The following IRS1 variants were observed in gnomAD, a reference collection of about 807,000 sequenced individuals.
IRS1 encodes the protein insulin receptor substrate 1.
A neutral mutation model predicts 65.6 loss-of-function variants in IRS1; 34 were observed. The observed-to-expected ratio is 0.52, with a 90% confidence interval of 0.39 to 0.69. The LOEUF (loss-of-function observed/expected upper bound fraction) is 0.69, where lower values mean the gene tolerates loss of function less well. IRS1 is among the 30% of genes least tolerant of loss of function. IRS1 has a pLI of 0.00. For missense variants in IRS1, 1,641 were observed against 1,720.2 expected (o/e 0.95, Z 0.81); for synonymous variants, 699 against 683.5 (o/e 1.02, Z -0.35).
intron 1 of IRS1, among the ~76,000 whole-genome samples, chr2:226,744,729 C>T (rs1193034163): frequency 6.6e-6 from 1 of 152,140 alleles, no homozygotes; most frequent in East Asian, 1.9e-4. Context: ...ATCCCCTCAC[C>T]CCCAGCCATG....
At position 226,734,222 on chromosome 2, in the gene IRS1, A is replaced by T. The variant is rs1339854898; in HGVS notation, c.*2050T>A. ...AAGTCTTTTTTTACAAGAGTAAAAA[A>T]CAACTTTCATATCAGATTTTCAAAA... On this transcript the variant is annotated 3_prime_UTR_variant, in exon 2 of 2. Transcript: ENST00000305123. 3 of 152,226 alleles carry T rather than the reference A, an allele frequency of 2.0e-5. No individual in the cohort carries two copies. Among genetic ancestry groups the T allele is most frequent in the Non-Finnish European group, 2.9e-5 (2 of 68,048 alleles). The allele number at this position is 152,226 out of a possible 1,614,324, so 9.4% of individuals were successfully genotyped here.
At chr2:226,763,612 A>T (rs1446374987) in intron 1 of IRS1, among the ~76,000 whole-genome samples, 2 of 152,224 alleles carry the variant, frequency 1.3e-5, no homozygotes, top group African/African-American at 4.8e-5. Flanking sequence ...ATTCCAAAAT[A>T]TTAGGTCATG....
At chr2:226,790,309 A>C (rs1939565627) in intron 1 of IRS1, among the ~76,000 whole-genome samples, 1 of 151,986 alleles carries the variant, frequency 6.6e-6, no homozygotes, top group Non-Finnish European at 1.5e-5. Flanking sequence ...GATAGCACAA[A>C]GCTATTTTCC....
intron 1 of IRS1, among the ~76,000 whole-genome samples, chr2:226,789,845 C>T (rs890875430): frequency 6.6e-6 from 1 of 152,150 alleles, no homozygotes; most frequent in Non-Finnish European, 1.5e-5. Context: ...AAAACTTAGG[C>T]TGGTCGATCA....
chr2:226,797,715 C>T lies in IRS1; in HGVS notation c.1024G>A (p.Val342Met), dbSNP rs1199515566. The change falls in exon 1 of 2, where the codon GTG (valine) becomes ATG (methionine). Residue 342 changes from valine to methionine, a missense_variant. This residue lies in a region of IRS1 where 1,324 missense variants were observed against 1,361.0 expected (regional missense o/e 0.97). Transcript: ENST00000305123. This position sits in a 1 kb window ranked among gnomAD's most constrained non-coding sequence, Gnocchi z 8.1. ...GEGTMSRPAS[V>M]DGSPVSPSTN... ...CTGGGACTCACAGGGCTGCCGTCCA[C>T]CGAGGCTGGGCGGGACATGGTGCCT... is the stretch of plus-strand genomic sequence containing the variant. The T allele has an allele frequency of 6.3e-7, 1 of 1,597,992 alleles. No homozygotes were observed. Among genetic ancestry groups the T allele is most frequent in the South Asian group, 1.1e-5 (1 of 90,768 alleles).
chr2:226,738,204 G>A (rs941829323), intron 1 of IRS1, among the ~76,000 whole-genome samples: 6 of 152,184 alleles, frequency 3.9e-5, no homozygotes, highest in African/African-American at 9.7e-5. Flanking sequence ...CAAAATACAC[G>A]CAACGTAAGT....
chr2:226,774,910 G>A (rs1234895664), intron 1 of IRS1, among the ~76,000 whole-genome samples: 1 of 152,174 alleles, frequency 6.6e-6, no homozygotes, highest in Non-Finnish European at 1.5e-5. Context: ...ACAATAAACA[G>A]ATCAGAGATT....
At chr2:226,779,342 G>A (rs1326497062) in intron 1 of IRS1, among the ~76,000 whole-genome samples, 1 of 152,204 alleles carries the variant, frequency 6.6e-6, no homozygotes, top group Non-Finnish European at 1.5e-5. Flanking sequence ...TAAATGAGGT[G>A]TTGGTATATT....
rs1559159805 is a variant in IRS1, at chr2:226,797,635, C to A, written c.1104G>T (p.Pro368=). 2.5e-6 allele frequency: 4 copies of A among 1,588,992 alleles called. No homozygotes were observed. The South Asian group carries it at 4.5e-5, about 18-fold the overall frequency. Residue 368 remains proline, a synonymous_variant, in exon 1 of 2, where the codon CCG becomes CCT. Coordinates refer to ENST00000305123, the MANE Select transcript of IRS1 (RefSeq NM_005544.3). This position sits in a 1 kb window ranked among gnomAD's most constrained non-coding sequence, Gnocchi z 8.1. ...RHRGSARLHP[P]LNHSRSIPMP... ...TGGGGATGGAGCGGCTGTGGTTGAG[C>A]GGGGGGTGCAGCCGGGCGCTGCCCC...
chr2:226,784,451 T>G, intron 1 of IRS1, among the ~76,000 whole-genome samples: 1 of 152,154 alleles, frequency 6.6e-6, no homozygotes, highest in Non-Finnish European at 1.5e-5. Context: ...AGATAGAGTT[T>G]CGCTCTTGTC....
intron 1 of IRS1, among the ~76,000 whole-genome samples, chr2:226,764,575 C>T (rs1938991327): frequency 6.6e-6 from 1 of 152,042 alleles, no homozygotes; most frequent in South Asian, 2.1e-4. Flanking sequence ...TACAGAGAGA[C>T]TTTTAAAATT....
chr2:226,773,470 T>C (rs149514529), intron 1 of IRS1, among the ~76,000 whole-genome samples: 1 of 152,162 alleles, frequency 6.6e-6, no homozygotes, highest in African/African-American at 2.4e-5. Context: ...CTGTAATCTG[T>C]ATGATCTAGC....
chr2:226,739,752 A>G (rs1382887590), intron 1 of IRS1, among the ~76,000 whole-genome samples: 1 of 152,254 alleles, frequency 6.6e-6, no homozygotes, highest in Non-Finnish European at 1.5e-5. Flanking sequence ...CTAGCTCCAC[A>G]TACTCACAAT....
Position 226,797,775 on chromosome 2 carries a change from C to G in IRS1, c.964G>C (p.Gly322Arg). Residue 322 changes from glycine to arginine, a missense_variant, in exon 1 of 2, where the codon GGC (glycine) becomes CGC (arginine). Gly to Arg is a moderately radical substitution (Grantham distance 125). Transcript: ENST00000305123. The surrounding 1 kb of genome is among the most constrained non-coding windows in gnomAD (Gnocchi z 8.1). The part of the protein sequence containing the change: ...SPASMVGGKP[G>R]SFRVRASSDG... ...CTGGAGGCGCGGACACGGAAGGAGC[C>G]TGGCTTCCCGCCCACCATGCTGGCC... 6.3e-7 allele frequency: 1 copy of G among 1,595,394 alleles called. No individual in the cohort carries two copies. Among genetic ancestry groups the G allele is most frequent in the Non-Finnish European group, 8.5e-7 (1 of 1,173,992 alleles).
Position 226,733,019 on chromosome 2 carries a change from C to G in IRS1, c.*3253G>C, listed in dbSNP as rs1231424071. The stretch of plus-strand genomic sequence containing the variant: ...GCAGTTGGAAGACTGCACATGGATA[C>G]TATTTGTCATGGCTCTCGTTGTCAG... On this transcript the variant is annotated 3_prime_UTR_variant, in exon 2 of 2. Transcript: ENST00000305123. 1 of 152,162 alleles carries G rather than the reference C, an allele frequency of 6.6e-6. No individual in the cohort carries two copies. The highest frequency in any genetic ancestry group is 1.5e-5 in the Non-Finnish European group (1 of 68,030). 9.4% of individuals were successfully genotyped at this position (152,162 alleles called of 1,614,324 possible).
At chr2:226,764,199 T>C (rs1178361839) in intron 1 of IRS1, among the ~76,000 whole-genome samples, 5 of 151,952 alleles carry the variant, frequency 3.3e-5, no homozygotes, top group Admixed American at 3.3e-4. Flanking sequence ...TATGTTCCTT[T>C]AGAAACATCG....
chr2:226,776,489 A>C (rs1160614658), intron 1 of IRS1, among the ~76,000 whole-genome samples: 1 of 152,182 alleles, frequency 6.6e-6, no homozygotes, highest in Middle Eastern at 3.2e-3. Context: ...GAAAAACCTG[A>C]CAAACACTCC....
intron 1 of IRS1, among the ~76,000 whole-genome samples, chr2:226,769,405 GC>G (rs1559152819): frequency 6.6e-6 from 1 of 152,144 alleles, no homozygotes; most frequent in Non-Finnish European, 1.5e-5. Context: ...CTGCAAGACT[GC>G]CCGGAGTGTC....
In IRS1 at chr2:226,795,371, G is replaced by A; in HGVS notation, c.3368C>T (p.Ala1123Val). The change falls in exon 1 of 2, where the codon GCA becomes GTA. Residue 1123 changes from alanine to valine, a missense_variant. Around this residue, in one of 3 missense-constraint regions of IRS1, gnomAD observed 1,324 missense variants for 1,361.0 expected, o/e 0.97. Coordinates refer to ENST00000305123, the MANE Select transcript of IRS1 (RefSeq NM_005544.3). ...GCTACCGCCACCGCCCCCTACTGCT[G>A]CCCCCGCTCCAAAGGGCACTGTGTT... ...VGNTVPFGAG[A>V]AVGGGGGSSS... 1.2e-6 allele frequency: 2 copies of A among 1,613,080 alleles called. No homozygotes were observed. Among genetic ancestry groups the A allele is most frequent in the Non-Finnish European group, 8.5e-7 (1 of 1,179,948 alleles).
Sources: gnomAD v4.1 joint callset for allele counts (sites outside exome capture counted in the v4.1 genomes callset) on GRCh38, gnomAD v4.1.1 for gene constraint, gnomAD v4.1.1 regional missense constraint, Gnocchi (gnomAD v3.1) non-coding constraint, MANE v1.5 for transcripts, NCBI Gene and HGNC (gene_info 2026-07-23, HGNC 2026-07-21) for gene names.